Variants in ZDHHC9 observed in about 807,000 individuals in gnomAD.
The protein encoded by ZDHHC9 is zDHHC palmitoyltransferase 9, also known as palmitoyltransferase ZDHHC9.
ZDHHC9 carries 3 observed loss-of-function variants against 26.6 expected under a neutral mutation model. The observed-to-expected ratio is 0.11, with a 90% confidence interval of 0.05 to 0.29. The LOEUF is 0.29. Ranked by LOEUF, ZDHHC9 falls within the 10% of genes least tolerant of loss-of-function variation. The pLI, the probability that ZDHHC9 is intolerant of heterozygous loss-of-function variation, is 1.00. For synonymous variants in ZDHHC9, 111 were observed against 109.4 expected, an observed-to-expected ratio of 1.01 and a Z score of -0.09; for missense variants, 146 against 296.4, an observed-to-expected ratio of 0.49 and a Z score of 3.73.
chrX:129,807,140 A>C (rs954815619), intron 10 of ZDHHC9, among the ~76,000 whole-genome samples: 17 of 112,813 alleles, frequency 1.5e-4, no homozygotes, highest in Admixed American at 1.4e-3. Flanking sequence ...CCTTATAAAA[A>C]GAATTCACTT....
chrX:129,814,861 A>C, intron 5 of ZDHHC9, 66 bp from the exon 6 acceptor site: 1 of 1,112,427 alleles, frequency 9.0e-7, no homozygotes, highest in East Asian at 3.0e-5. Flanking sequence ...CACCATCCCT[A>C]TAATACCTAA....
At chrX:129,840,480 C>A (rs764359879) in intron 3 of ZDHHC9, among the ~76,000 whole-genome samples, 1 of 111,674 alleles carries the variant, frequency 9.0e-6, no homozygotes, top group African/African-American at 3.3e-5. Context: ...TGGTACCACA[C>A]ACAAGCACGT....
chrX:129,829,089 T>C lies in ZDHHC9; in HGVS notation c.220A>G (p.Met74Val), dbSNP rs1415170354. The C allele has an allele frequency of 2.5e-6, 3 of 1,209,532 alleles. No individual in the cohort carries two copies. The highest frequency in any genetic ancestry group is 3.5e-5 in the African/African-American group (2 of 56,963). The change falls in exon 4 of 11, where the codon ATG becomes GTG. Residue 74 changes from methionine (M) to valine (V), a missense_variant. Physicochemically the swap from Met to Val is conservative, Grantham distance 21 (BLOSUM62 1). Transcript: ENST00000357166. ...LSPAIPVFAA[M>V]LFLFSMATLL... ...GTAGCCATGGAGAAAAGGAAGAGCA[T>C]GGCAGCAAATACAGGGATGGCAGGA...
intron 10 of ZDHHC9, 105 bp from the exon 11 acceptor site, chrX:129,806,591 TGATGCTACA>T: frequency 1.5e-6 from 1 of 683,226 alleles, no homozygotes; most frequent in South Asian, 2.4e-5. Context: ...CTGATCACAC[TGATGCTACA>T]GATATGCAGC....
rs77513704 is a variant in ZDHHC9 at position 129,829,018 on chromosome X, C to A, written c.291G>T (p.Ala97=). The A allele has an allele frequency of 8.3e-7, 1 of 1,211,593 alleles. No individual in the cohort carries two copies. Among genetic ancestry groups the A allele is most frequent in the Admixed American group, 2.2e-5 (1 of 46,022 alleles). ...SFSDPGVIPR[A]LPDEAAFIEM... The stretch of plus-strand genomic sequence containing the variant: ...CTATGAAAGCTGCTTCATCTGGTAG[C>A]GCCCGAGGAATCACTCCAGGGTCAC... The change falls in exon 4 of 11, where the codon GCG becomes GCT. Residue 97 remains alanine (A), a synonymous_variant. Coordinates refer to ENST00000357166, the MANE Select transcript of ZDHHC9 (RefSeq NM_016032.4).
In ZDHHC9 at chrX:129,809,827, G is replaced by A. The variant is rs188003370; in HGVS notation, c.978+1078C>T. 2.9e-3 allele frequency among the ~76,000 whole-genome samples: 312 copies of A among 109,185 alleles called. 1 individual carries two copies. Among genetic ancestry groups the A allele is most frequent in the East Asian group, 7.5e-3 (26 of 3,472 alleles). 94.8% of individuals were successfully genotyped at this position (109,185 alleles called of 115,157 possible). A position where few individuals can be genotyped will look rare whatever the true frequency, so the allele number is the denominator to read the frequency against. The stretch of plus-strand genomic sequence containing the variant: ...AGCCTGACCAACATGGAGAAACCCC[G>A]TCTCTACTAAAAAATACAAAATTAG... On this transcript the variant is annotated intron_variant, in intron 10 of 10. Coordinates refer to ENST00000357166, the MANE Select transcript of ZDHHC9 (RefSeq NM_016032.4).
intron 3 of ZDHHC9, 74 bp from the exon 4 acceptor site, chrX:129,829,215 A>T: frequency 9.1e-7 from 1 of 1,095,719 alleles, no homozygotes; most frequent in Non-Finnish European, 1.3e-6. Context: ...CAGTATGTCA[A>T]TCTGGCCCCC....
At chrX:129,830,817 T>C (rs1928123861) in intron 3 of ZDHHC9, among the ~76,000 whole-genome samples, 1 of 111,909 alleles carries the variant, frequency 8.9e-6, no homozygotes. Context: ...CCTAGCTCCC[T>C]GCCACACACA....
intron 8 of ZDHHC9, 134 bp downstream of exon 8, chrX:129,812,584 A>G: frequency 1.8e-6 from 1 of 567,747 alleles, no homozygotes. Flanking sequence ...ATCTGACTTA[A>G]CAACCTCGCA....
rs762487815 is a variant in ZDHHC9, at chrX:129,812,808, G to T, written c.687C>A (p.Val229=). ...ACCAGAGTGTAAAGAAGCAAATGAGGACTTCTAGAACAGTGAGGTGTGGTT... is the reference window on the plus strand; with the variant it reads ...ACCAGAGTGTAAAGAAGCAAATGAGTACTTCTAGAACAGTGAGGTGTGGTT... ...LKETPGTVLE[V]LICFFTLWSV... Residue 229 remains valine (V), a synonymous_variant, in exon 8 of 11, where the codon GTC becomes GTA. Coordinates refer to ENST00000357166, the MANE Select transcript of ZDHHC9 (RefSeq NM_016032.4). 8.3e-7 allele frequency: 1 copy of T among 1,205,441 alleles called. No homozygotes were observed. The highest frequency in any genetic ancestry group is 2.2e-5 in the Admixed American group (1 of 46,006).
In ZDHHC9 at chrX:129,813,826, G is replaced by A. The variant is rs933932258; in HGVS notation, c.626-101C>T. 9.0e-5 allele frequency: 69 copies of A among 768,612 alleles called. No homozygotes were observed. In the Admixed American group the frequency reaches 1.7e-3, roughly 19 times the overall value. The allele number at this position is 768,612 out of a possible 1,213,427, so 63.3% of individuals were successfully genotyped here. On this transcript the variant is annotated intron_variant, in intron 6 of 10. Coordinates refer to ENST00000357166, the MANE Select transcript of ZDHHC9 (RefSeq NM_016032.4). ...TCACTTCCTTCCCTCCCTCTCCCGT[G>A]TTACACACTGGCAAGAGCTAAGCTC...
intron 10 of ZDHHC9, among the ~76,000 whole-genome samples, chrX:129,809,457 G>GT (rs1484769825): frequency 9.8e-5 from 11 of 111,779 alleles, no homozygotes; most frequent in African/African-American, 3.6e-4. Context: ...AAAGAAGCCA[G>GT]TCACAAAAGA....
At chrX:129,813,650 C>T (rs373003337) in intron 7 of ZDHHC9, 27 bp downstream of exon 7, 5 of 1,202,944 alleles carry the variant, frequency 4.2e-6, no homozygotes, top group Non-Finnish European at 5.6e-6. Context: ...GAAGGCTTCA[C>T]AGGGACATAC....
At chrX:129,822,514 G>A (rs1017702643) in intron 5 of ZDHHC9, among the ~76,000 whole-genome samples, 3 of 110,499 alleles carry the variant, frequency 2.7e-5, no homozygotes, top group Non-Finnish European at 3.8e-5. Context: ...GGCTTAAAAC[G>A]TAGATGACAG....
intron 10 of ZDHHC9, 132 bp downstream of exon 10, chrX:129,810,773 C>T (rs1323167087): frequency 1.8e-6 from 1 of 546,009 alleles, no homozygotes; most frequent in African/African-American, 2.3e-5. Flanking sequence ...GATCTGAAGG[C>T]AACATCAGGG....
chrX:129,824,637 C>T (rs1927970532), intron 4 of ZDHHC9, among the ~76,000 whole-genome samples: 1 of 111,763 alleles, frequency 8.9e-6, no homozygotes, highest in South Asian at 3.7e-4. Context: ...ATCAAGTCTA[C>T]TTCTAGAAAC....
intron 10 of ZDHHC9, among the ~76,000 whole-genome samples, chrX:129,808,724 T>A (rs1465828249): frequency 8.9e-6 from 1 of 111,827 alleles, no homozygotes; most frequent in Non-Finnish European, 1.9e-5. Flanking sequence ...CTGGACTACA[T>A]CAAAATTTAA....
chrX:129,818,577 C>T (rs934471891), intron 5 of ZDHHC9, among the ~76,000 whole-genome samples: 2 of 112,151 alleles, frequency 1.8e-5, no homozygotes, highest in African/African-American at 3.2e-5. Context: ...TGTCTAATGA[C>T]AGAAGACTGC....
chrX:129,813,550 A>T (rs767305710), intron 7 of ZDHHC9, 127 bp downstream of exon 7: 311 of 693,533 alleles, frequency 4.5e-4, no homozygotes, highest in Non-Finnish European at 5.8e-4. Context: ...ATATTTTTTT[A>T]AATTATTTTA....
Sources: gnomAD v4.1 joint callset for allele counts (sites outside exome capture counted in the v4.1 genomes callset) on GRCh38, gnomAD v4.1.1 for gene constraint, MANE v1.5 for transcripts, NCBI Gene and HGNC (gene_info 2026-07-23, HGNC 2026-07-21) for gene names.